Variants in PPP1R37 observed in about 807,000 individuals in gnomAD.
PPP1R37 encodes leucine rich repeat containing 68.
PPP1R37 carries 21 observed loss-of-function variants against 61.0 expected under a neutral mutation model. The ratio of observed to expected loss-of-function variants is 0.34; its 90% confidence interval spans 0.24 to 0.50. The LOEUF (loss-of-function observed/expected upper bound fraction) is 0.50. Among genes scored for constraint, PPP1R37 ranks in the 20% least tolerant of loss-of-function variants. The pLI, the probability that PPP1R37 is intolerant of heterozygous loss-of-function variation, is 0.98. For missense variants in PPP1R37, 910 were observed against 952.7 expected, an observed-to-expected ratio of 0.96 and a Z score of 0.59; for synonymous variants, 443 against 433.5, an observed-to-expected ratio of 1.02 and a Z score of -0.27.
intron 1 of PPP1R37, among the ~76,000 whole-genome samples, 154 bp downstream of exon 1, chr19:45,093,681 A>G (rs1361990690): frequency 6.6e-6 from 1 of 152,192 alleles, no homozygotes; most frequent in Non-Finnish European, 1.5e-5. Flanking sequence ...TCTGTTAGAA[A>G]GGGGGTGGCT....
intron 1 of PPP1R37, among the ~76,000 whole-genome samples, chr19:45,116,587 G>A (rs8109012): frequency 0.019 from 2,824 of 152,324 alleles, 96 homozygotes; most frequent in African/African-American, 0.064. Flanking sequence ...CCTCCCCTGA[G>A]CAGGCTAACT....
intron 1 of PPP1R37, among the ~76,000 whole-genome samples, chr19:45,099,723 A>G (rs1968038824): frequency 6.6e-6 from 1 of 152,266 alleles, no homozygotes; most frequent in African/African-American, 2.4e-5. Flanking sequence ...ACCCTAGTCT[A>G]GCACACAGGA....
At chr19:45,131,663 G>A (rs760846761) in intron 1 of PPP1R37, among the ~76,000 whole-genome samples, 4 of 152,252 alleles carry the variant, frequency 2.6e-5, no homozygotes, top group African/African-American at 7.2e-5. Flanking sequence ...TGAGGCAGGA[G>A]GATTGCTGGA....
At position 45,143,537 on chromosome 19, in the gene PPP1R37, C is replaced by T. The variant is rs899939260; in HGVS notation, c.891C>T (p.Cys297=). 14 of 1,535,096 alleles carry T rather than the reference C, an allele frequency of 9.1e-6. No individual in the cohort carries two copies. The highest frequency in any genetic ancestry group is 4.9e-5 in the East Asian group (2 of 40,910). Residue 297 remains cysteine (C), a synonymous_variant, in exon 8 of 13, where the codon TGC becomes TGT. Transcript: ENST00000221462. ...HVLDSGLAYI[C]EGLKEQRKGL... is the part of the protein sequence containing the mutation. ...CTCCTCCAGGTCTGGCCTACATCTG[C>T]GAGGGCCTCAAGGAGCAGAGGAAGG...
At chr19:45,107,081 G>A (rs1320450305) in intron 1 of PPP1R37, among the ~76,000 whole-genome samples, 2 of 151,902 alleles carry the variant, frequency 1.3e-5, no homozygotes, top group African/African-American at 4.8e-5. Context: ...CTCCCAAAGT[G>A]CTGGGATTAG....
rs763674524 is a variant in PPP1R37 at position 45,140,299 on chromosome 19, G to T, written c.346+18G>T. ...CCTGAAAGGTGTGTGTCTGGCTAGG[G>T]GTTGAGAGCCCTTGGGTCATGGGCA... On this transcript the variant is annotated intron_variant, in intron 3 of 12. Transcript: ENST00000221462. 6.5e-7 allele frequency: 1 copy of T among 1,535,564 alleles called. No individual in the cohort carries two copies. The highest frequency in any genetic ancestry group is 1.2e-5 in the South Asian group (1 of 84,054).
chr19:45,124,625 G>C (rs1968378910), intron 1 of PPP1R37, among the ~76,000 whole-genome samples: 1 of 152,134 alleles, frequency 6.6e-6, no homozygotes, highest in South Asian at 2.1e-4. Flanking sequence ...CCAGTTCAGA[G>C]CCATCCCTGT....
chr19:45,103,548 G>C (rs981230632), intron 1 of PPP1R37, among the ~76,000 whole-genome samples: 1 of 152,070 alleles, frequency 6.6e-6, no homozygotes, highest in African/African-American at 2.4e-5. Flanking sequence ...GTGGAGAACT[G>C]CTCGCGTCCT....
chr19:45,142,433 C>G lies in PPP1R37; in HGVS notation c.849C>G (p.Leu283=). ...ACTGCTCCCTGCAGATCCTGGACCT[C>G]CGGAACAACCACGTGCTAGACTCGG... The part of the protein sequence containing the change: ...KFNCSLQILD[L]RNNHVLDSGL... Residue 283 remains leucine, a synonymous_variant, in exon 7 of 13, where the codon CTC becomes CTG. Transcript: ENST00000221462. The G allele has an allele frequency of 6.5e-7, 1 of 1,536,132 alleles. No individual in the cohort carries two copies. Among genetic ancestry groups the G allele is most frequent in the Non-Finnish European group, 8.7e-7 (1 of 1,146,918 alleles).
chr19:45,137,833 C>CAAAAAAA (rs5828228), intron 1 of PPP1R37, among the ~76,000 whole-genome samples: 1 of 106,202 alleles, frequency 9.4e-6, no homozygotes. Context: ...TACAAAAATA[C>CAAAAAAA]AAAAAAAAAA....
chr19:45,120,498 A>G (rs1968328855), intron 1 of PPP1R37, among the ~76,000 whole-genome samples: 1 of 152,044 alleles, frequency 6.6e-6, no homozygotes, highest in Non-Finnish European at 1.5e-5. Context: ...GCTGGTGGAT[A>G]TTGTGGTTGG....
intron 1 of PPP1R37, among the ~76,000 whole-genome samples, chr19:45,118,780 C>T (rs1426413962): frequency 2.0e-4 from 30 of 152,118 alleles, no homozygotes; most frequent in Admixed American, 2.0e-3. Flanking sequence ...CTTTAGCCCA[C>T]GTTCACTGAG....
At chr19:45,146,349 C>T in intron 11 of PPP1R37, 41 bp from the exon 12 acceptor site, 1 of 1,518,514 alleles carries the variant, frequency 6.6e-7, no homozygotes, top group Non-Finnish European at 8.8e-7. Flanking sequence ...TGTATTTGCC[C>T]CACCCGCCTG....
At chr19:45,127,888 T>G (rs966918901) in intron 1 of PPP1R37, among the ~76,000 whole-genome samples, 1 of 144,470 alleles carries the variant, frequency 6.9e-6, no homozygotes, top group Non-Finnish European at 1.5e-5. Flanking sequence ...GGCAGGAGAA[T>G]CCCTTGAACC....
intron 1 of PPP1R37, 24 bp from the exon 2 acceptor site, chr19:45,138,490 G>C: frequency 2.6e-6 from 4 of 1,526,918 alleles, no homozygotes; most frequent in Non-Finnish European, 2.6e-6. Flanking sequence ...GACAGTCACA[G>C]GCCTGGGTCC....
At chr19:45,141,289 G>A in intron 4 of PPP1R37, 33 bp from the exon 5 acceptor site, 1 of 1,524,308 alleles carries the variant, frequency 6.6e-7, no homozygotes. Flanking sequence ...GCAGCCCAGA[G>A]CTGAGGCTGA....
rs916262715 is a variant in PPP1R37 at position 45,145,425 on chromosome 19, C to T, written c.1369C>T (p.Leu457=). ...GAACGGCTGCAAGCGCAACTTGGTGCTGGCGCGGGAGAGGGAGGAGAAGGA... is the reference window on the plus strand; with the variant it reads ...GAACGGCTGCAAGCGCAACTTGGTGTTGGCGCGGGAGAGGGAGGAGAAGGA... ...IQNGCKRNLV[L]AREREEKEQP... The change falls in exon 11 of 13, where the codon CTG becomes TTG. Residue 457 remains leucine, a synonymous_variant. Transcript: ENST00000221462. The T allele has an allele frequency of 6.5e-6, 10 of 1,535,238 alleles. No individual in the cohort carries two copies. Among genetic ancestry groups the T allele is most frequent in the Admixed American group, 2.0e-5 (1 of 50,960 alleles).
chr19:45,103,924 C>G (rs1360737338), intron 1 of PPP1R37, among the ~76,000 whole-genome samples: 1 of 152,148 alleles, frequency 6.6e-6, no homozygotes, highest in Non-Finnish European at 1.5e-5. Context: ...CAGGGCTCCA[C>G]TGTAACTACA....
At position 45,145,627 on chromosome 19, in the gene PPP1R37, A is replaced by T. The variant is rs369342659; in HGVS notation, c.1571A>T (p.Asp524Val). Residue 524 changes from aspartate to valine, a missense_variant, in exon 11 of 13, where the codon GAC (aspartate) becomes GTC (valine). This residue lies in a region of PPP1R37 where 549 missense variants were observed against 505.1 expected (regional missense o/e 1.09). Coordinates refer to ENST00000221462, the MANE Select transcript of PPP1R37 (RefSeq NM_019121.2). ...GAGGAGGAAGAGGAAGGGGAGAGGG[A>T]CGAGACCCCCTGTCCTGCCCTGGTG... Reference protein sequence around the residue: ...EEEEEEEGERDETPCPALVPP... With the variant: ...EEEEEEEGERVETPCPALVPP... 5.5e-5 allele frequency: 84 copies of T among 1,535,804 alleles called. No individual in the cohort carries two copies. In the African/African-American group the frequency reaches 1.0e-3, roughly 19 times the overall value.
Sources: gnomAD v4.1 joint callset for allele counts (sites outside exome capture counted in the v4.1 genomes callset) on GRCh38, gnomAD v4.1.1 for gene constraint, gnomAD v4.1.1 regional missense constraint, MANE v1.5 for transcripts, NCBI Gene and HGNC (gene_info 2026-07-23, HGNC 2026-07-21) for gene names.